The following CSE1L variants were observed in gnomAD, a reference collection of about 807,000 sequenced individuals.
The protein encoded by CSE1L is exportin-2.
A neutral mutation model predicts 120.4 loss-of-function variants in CSE1L; 24 were observed. That is an observed-to-expected ratio of 0.20 (90% CI 0.14 to 0.28). The LOEUF (loss-of-function observed/expected upper bound fraction) is 0.28. Ranked by LOEUF, CSE1L falls within the 10% of genes least tolerant of loss-of-function variation. CSE1L has a pLI of 1.00. For missense variants in CSE1L, 830 were observed against 1,145.2 expected (o/e 0.72, Z 3.97); for synonymous variants, 402 against 398.3 (o/e 1.01, Z -0.11).
intron 3 of CSE1L, 21 bp from the exon 4 acceptor site, chr20:49,066,171 C>T: frequency 6.3e-7 from 1 of 1,597,966 alleles, no homozygotes; most frequent in Non-Finnish European, 8.6e-7. Flanking sequence ...GTTACTTCCT[C>T]AGTTACTGCT....
intron 10 of CSE1L, 42 bp from the exon 11 acceptor site, chr20:49,074,743 C>A: frequency 1.3e-6 from 2 of 1,531,422 alleles, no homozygotes; most frequent in Non-Finnish European, 1.8e-6. Flanking sequence ...AGTACAGTGA[C>A]GTCTTTTGGA....
chr20:49,076,173 T>TTTG (rs578259588), intron 12 of CSE1L, among the ~76,000 whole-genome samples: 3 of 147,390 alleles, frequency 2.0e-5, no homozygotes, highest in African/African-American at 5.0e-5. Flanking sequence ...CAGGTTGTGT[T>TTTG]TTGTTGTTGT....
chr20:49,057,088 G>A (rs2091814277), intron 1 of CSE1L, among the ~76,000 whole-genome samples: 1 of 152,170 alleles, frequency 6.6e-6, no homozygotes, highest in African/African-American at 2.4e-5. Context: ...CACACTGGGA[G>A]GCCAAGGCAG....
At chr20:49,064,460 A>C (rs1391338416) in intron 3 of CSE1L, among the ~76,000 whole-genome samples, 2 of 152,214 alleles carry the variant, frequency 1.3e-5, no homozygotes, top group African/African-American at 2.4e-5. Context: ...CTGTAATTTC[A>C]GCACTTTGGG....
chr20:49,085,440 G>T lies in CSE1L; in HGVS notation c.1723+54G>T, dbSNP rs563108603. 45 of 1,286,554 alleles carry T rather than the reference G, an allele frequency of 3.5e-5. 1 individual carries two copies. The South Asian group carries it at 5.4e-4, about 15-fold the overall frequency. The allele number at this position is 1,286,554 out of a possible 1,614,324, so 79.7% of individuals were successfully genotyped here. A position where few individuals can be genotyped will look rare whatever the true frequency, so the allele number is the denominator to read the frequency against. ...CAGGTATCCAATCTCAGATTGTAAG[G>T]GTGAGCACTCTGAGTTATACTTCAG... is the stretch of plus-strand genomic sequence containing the variant. On this transcript the variant is annotated intron_variant, in intron 16 of 24. Transcript: ENST00000262982.
intron 14 of CSE1L, among the ~76,000 whole-genome samples, chr20:49,079,660 A>G (rs1050896448): frequency 1.8e-4 from 27 of 152,260 alleles, no homozygotes; most frequent in African/African-American, 5.1e-4. Flanking sequence ...ACGCCTGAAT[A>G]TCCCAAAATT....
In CSE1L at chr20:49,096,854, A is replaced by G. The variant is rs139989717; in HGVS notation, c.*416A>G. The G allele has an allele frequency of 0.018, 3,019 of 166,102 alleles. 38 individuals are homozygous for G. The highest frequency in any genetic ancestry group is 0.072 in the Middle Eastern group (24 of 334). 10.3% of individuals were successfully genotyped at this position (166,102 alleles called of 1,614,324 possible). On this transcript the variant is annotated 3_prime_UTR_variant, in exon 25 of 25. Coordinates refer to ENST00000262982, the MANE Select transcript of CSE1L (RefSeq NM_001316.4). ...ATTTACGCTTTTATTGGAAATGTGAATAAGTAAAGAATTACTTGTGTTACT... is the reference window on the plus strand; with the variant it reads ...ATTTACGCTTTTATTGGAAATGTGAGTAAGTAAAGAATTACTTGTGTTACT...
intron 7 of CSE1L, among the ~76,000 whole-genome samples, chr20:49,069,303 CAT>C (rs903561968): frequency 1.3e-5 from 2 of 152,196 alleles, no homozygotes; most frequent in Non-Finnish European, 2.9e-5. Context: ...TCAGAGGAAA[CAT>C]AGCCACAGGG....
intron 5 of CSE1L, 24 bp downstream of exon 5, chr20:49,066,534 T>C: frequency 2.5e-6 from 4 of 1,572,528 alleles, no homozygotes; most frequent in Non-Finnish European, 3.5e-6. Flanking sequence ...GATTCATGTT[T>C]TTAAAATACT....
chr20:49,083,165 C>CA (rs3092497), intron 14 of CSE1L, among the ~76,000 whole-genome samples: 2,638 of 152,228 alleles, frequency 0.017, 70 homozygotes, highest in African/African-American at 0.059. Flanking sequence ...GCTGGGACTA[C>CA]AGGCGCATGC....
intron 1 of CSE1L, among the ~76,000 whole-genome samples, chr20:49,057,333 A>G (rs1300107526): frequency 6.6e-6 from 1 of 152,166 alleles, no homozygotes; most frequent in Non-Finnish European, 1.5e-5. Flanking sequence ...GCAAATTCTT[A>G]GCACTTTGTA....
intron 1 of CSE1L, among the ~76,000 whole-genome samples, chr20:49,050,284 C>A (rs918731178): frequency 6.6e-5 from 10 of 151,168 alleles, no homozygotes; most frequent in African/African-American, 2.4e-4. Flanking sequence ...AGTGGCAAGA[C>A]CTCAGCTTAT....
At chr20:49,047,578 T>C (rs1174335697) in intron 1 of CSE1L, among the ~76,000 whole-genome samples, 4 of 111,230 alleles carry the variant, frequency 3.6e-5, no homozygotes, top group Admixed American at 8.8e-5. Context: ...TTTTTTTTTT[T>C]TTTTTTTTTT....
intron 5 of CSE1L, 127 bp from the exon 6 acceptor site, chr20:49,067,061 TCC>T: frequency 3.2e-6 from 1 of 315,042 alleles, no homozygotes; most frequent in Non-Finnish European, 5.9e-6. Flanking sequence ...AAAAAAGAAT[TCC>T]CTTTGAATTT....
At chr20:49,093,196 G>A (rs570182507) in intron 22 of CSE1L, among the ~76,000 whole-genome samples, 1 of 152,310 alleles carries the variant, frequency 6.6e-6, no homozygotes, top group African/African-American at 2.4e-5. Flanking sequence ...GGGATTTTGA[G>A]GAAATCTCAT....
At chr20:49,095,872 A>G (rs2426128) in intron 24 of CSE1L, among the ~76,000 whole-genome samples, 114,597 of 151,970 alleles carry the variant, frequency 0.75, 43,865 homozygotes, top group African/African-American at 0.88. Context: ...TAAAAAACAT[A>G]TATGTGTGTG....
chr20:49,084,436 G>A (rs2092037759), intron 15 of CSE1L, among the ~76,000 whole-genome samples: 1 of 152,142 alleles, frequency 6.6e-6, no homozygotes, highest in South Asian at 2.1e-4. Context: ...AGTAGTCCAA[G>A]AAACTCCAAA....
At chr20:49,086,657 G>A (rs1301241171) in intron 16 of CSE1L, among the ~76,000 whole-genome samples, 4 of 152,082 alleles carry the variant, frequency 2.6e-5, no homozygotes, top group Non-Finnish European at 4.4e-5. Context: ...GAGCCACTGC[G>A]CCCAGCCTTA....
In CSE1L at chr20:49,090,852, A is replaced by G; in HGVS notation, c.2279+13A>G. 1.9e-6 allele frequency: 3 copies of G among 1,608,572 alleles called. No homozygotes were observed. Among genetic ancestry groups the G allele is most frequent in the South Asian group, 1.1e-5 (1 of 90,304 alleles). The stretch of plus-strand genomic sequence containing the variant: ...AGCACATGCCTCCGTGAGTATGACT[A>G]GAACTTTGTGCATTTATTTAGAAAT... On this transcript the variant is annotated intron_variant, in intron 20 of 24. Transcript: ENST00000262982.
Sources: gnomAD v4.1 joint callset for allele counts (sites outside exome capture counted in the v4.1 genomes callset) on GRCh38, gnomAD v4.1.1 for gene constraint, MANE v1.5 for transcripts, NCBI Gene and HGNC (gene_info 2026-07-23, HGNC 2026-07-21) for gene names.